The following SUGP1 variants were observed in gnomAD, a reference collection of about 807,000 sequenced individuals.
SUGP1 encodes SURP and G-patch domain containing 1.
In SUGP1, 34 loss-of-function variants were observed where a neutral mutation model predicts 76.5. The observed-to-expected ratio is 0.44, with a 90% CI of 0.34 to 0.59. The LOEUF (loss-of-function observed/expected upper bound fraction) is 0.59, where lower values mean the gene tolerates loss of function less well. SUGP1 is among the 20% of genes least tolerant of loss of function. SUGP1 has a pLI of 0.01. For synonymous variants in SUGP1, 326 were observed against 326.2 expected, an observed-to-expected ratio of 1.00 and a Z score of 0.01; for missense variants, 752 against 851.7, an observed-to-expected ratio of 0.88 and a Z score of 1.46.
intron 1 of SUGP1, among the ~76,000 whole-genome samples, chr19:19,319,446 C>T (rs1344692160): frequency 6.6e-6 from 1 of 151,332 alleles, no homozygotes; most frequent in Non-Finnish European, 1.5e-5. Flanking sequence ...AAAGGCCTTT[C>T]CCTGGGCCAG....
In SUGP1 at chr19:19,308,435, T is replaced by C. The variant is rs1186131996; in HGVS notation, c.310+1662A>G. ...AGAGGTGTCCCTCCAGAGGATTCAG[T>C]GAGAGCACAGACGTGGTCTGCTTGC... On this transcript the variant is annotated intron_variant, in intron 3 of 13. Transcript: ENST00000247001. Among the ~76,000 whole-genome samples, 4 of 152,352 alleles carry C rather than the reference T, an allele frequency of 2.6e-5. No homozygotes were observed. The East Asian group carries it at 7.7e-4, about 29-fold the overall frequency.
Position 19,312,263 on chromosome 19 carries a change from G to A in SUGP1, c.207-2063C>T, listed in dbSNP as rs537660561. ...AGAAAAACTGAAACAGAAAGGAATG[G>A]AAAAACCCAACAATGTCTCCCTACT... On this transcript the variant is annotated intron_variant, in intron 2 of 13. Coordinates refer to ENST00000247001, the MANE Select transcript of SUGP1 (RefSeq NM_172231.4). Among the ~76,000 whole-genome samples, 19 of 144,856 alleles carry A rather than the reference G, an allele frequency of 1.3e-4. No homozygotes were observed. In the South Asian group the frequency reaches 3.7e-3, roughly 28 times the overall value.
intron 8 of SUGP1, among the ~76,000 whole-genome samples, chr19:19,296,413 C>T (rs748967756): frequency 3.3e-5 from 5 of 151,866 alleles, no homozygotes; most frequent in African/African-American, 7.3e-5. Flanking sequence ...TTTGGGAGGC[C>T]GAAGCGGGAG....
intron 8 of SUGP1, among the ~76,000 whole-genome samples, chr19:19,296,171 A>T (rs1400018253): frequency 6.6e-6 from 1 of 151,954 alleles, no homozygotes; most frequent in Non-Finnish European, 1.5e-5. Context: ...TTTTTATTTT[A>T]AAAAAAGGTG....
chr19:19,296,583 C>T (rs1033337442), intron 8 of SUGP1, among the ~76,000 whole-genome samples: 1 of 151,176 alleles, frequency 6.6e-6, no homozygotes, highest in Non-Finnish European at 1.5e-5. Context: ...GGAGGCAGAG[C>T]TTATGGTGAG....
intron 1 of SUGP1, among the ~76,000 whole-genome samples, chr19:19,318,335 G>C (rs1340577160): frequency 6.6e-6 from 1 of 150,900 alleles, no homozygotes; most frequent in Non-Finnish European, 1.5e-5. Context: ...GGCCAGGCTG[G>C]TCTCGAATTC....
At chr19:19,314,507 G>A (rs1204891383) in intron 2 of SUGP1, among the ~76,000 whole-genome samples, 1 of 152,094 alleles carries the variant, frequency 6.6e-6, no homozygotes, top group African/African-American at 2.4e-5. Flanking sequence ...AAAAGAAGGA[G>A]TAGAAGTAAT....
At position 19,279,402 on chromosome 19, in the gene SUGP1, A is replaced by G. The variant is rs781200011; in HGVS notation, c.1351-12T>C. 1.3e-6 allele frequency: 2 copies of G among 1,586,552 alleles called. No homozygotes were observed. The highest frequency in any genetic ancestry group is 1.7e-6 in the Non-Finnish European group (2 of 1,169,444). On this transcript the variant is annotated splice_polypyrimidine_tract_variant and intron_variant, in intron 9 of 13. Coordinates refer to ENST00000247001, the MANE Select transcript of SUGP1 (RefSeq NM_172231.4). Reference sequence around the variant, plus strand: ...TACATCTGCTGCATCTGCAGGGCACACTCGCCAGTGAGCCAGGGCACGGTG... The same window carrying G: ...TACATCTGCTGCATCTGCAGGGCACGCTCGCCAGTGAGCCAGGGCACGGTG...
intron 8 of SUGP1, among the ~76,000 whole-genome samples, chr19:19,292,419 A>T (rs928811562): frequency 6.6e-6 from 1 of 152,102 alleles, no homozygotes; most frequent in Non-Finnish European, 1.5e-5. Context: ...AAAGAAAAAT[A>T]GGCCAGGTGT....
chr19:19,304,061 G>A (rs748239411), intron 4 of SUGP1: 7 of 1,540,110 alleles, frequency 4.5e-6, no homozygotes, highest in Non-Finnish European at 6.1e-6. Flanking sequence ...GGAGAGAAGT[G>A]TGTGAGGCTG....
At chr19:19,283,036 T>C (rs567284753) in intron 8 of SUGP1, among the ~76,000 whole-genome samples, 5 of 149,032 alleles carry the variant, frequency 3.4e-5, no homozygotes, top group South Asian at 4.2e-4. Context: ...AAGATCGTGC[T>C]ACTACACTCC....
At chr19:19,279,166 G>C in intron 10 of SUGP1, 47 bp downstream of exon 10, 1 of 1,515,446 alleles carries the variant, frequency 6.6e-7, no homozygotes, top group East Asian at 2.4e-5. Context: ...GGCAGGTGAG[G>C]GGGGCCATGC....
rs558184368 is a variant in SUGP1 at position 19,289,249 on chromosome 19, T to A, written c.1243+7740A>T. Among the ~76,000 whole-genome samples, 3 of 152,212 alleles carry A rather than the reference T, an allele frequency of 2.0e-5. No homozygotes were observed. In the East Asian group the frequency reaches 5.8e-4, roughly 29 times the overall value. On this transcript the variant is annotated intron_variant, in intron 8 of 13. Transcript: ENST00000247001. Reference sequence around the variant, plus strand: ...GTACAGTAAAAATACTGTACTATAATCTTATAACAATTTTAATAATGACCA... The same window carrying A: ...GTACAGTAAAAATACTGTACTATAAACTTATAACAATTTTAATAATGACCA...
chr19:19,296,324 G>A (rs755914851), intron 8 of SUGP1, among the ~76,000 whole-genome samples: 2 of 151,990 alleles, frequency 1.3e-5, no homozygotes, highest in Admixed American at 6.6e-5. Flanking sequence ...GGGAGGCTGA[G>A]GCGGGTGGAT....
chr19:19,306,043 C>T lies in SUGP1; in HGVS notation c.344G>A (p.Ser115Asn). Residue 115 changes from serine (S) to asparagine (N), a missense_variant, in exon 4 of 14, where the codon AGC (serine) becomes AAC (asparagine). Physicochemically the swap from Ser to Asn is conservative, Grantham distance 46. Transcript: ENST00000247001. ...APTSAPSAPPSTPTPSAGKRS... is the reference protein window; with the variant it reads ...APTSAPSAPPNTPTPSAGKRS... The stretch of plus-strand genomic sequence containing the variant: ...CTTCCCAGCGCTGGGGGTGGGTGTG[C>T]TGGGAGGGGCGCTGGGCGCACTGGT... 1 of 1,608,660 alleles carries T rather than the reference C, an allele frequency of 6.2e-7. No homozygotes were observed. The highest frequency in any genetic ancestry group is 8.5e-7 in the Non-Finnish European group (1 of 1,177,774).
intron 3 of SUGP1, among the ~76,000 whole-genome samples, chr19:19,307,854 G>A (rs562299696): frequency 1.0e-3 from 157 of 152,046 alleles, no homozygotes; most frequent in Admixed American, 2.0e-3. Flanking sequence ...TAGTAGAGAC[G>A]GGGTTTTACC....
Position 19,282,946 on chromosome 19 carries a change from A to G in SUGP1, c.1244-2655T>C, listed in dbSNP as rs189371402. Among the ~76,000 whole-genome samples, 247 of 152,100 alleles carry G rather than the reference A, an allele frequency of 1.6e-3. 1 individual carries two copies. Among genetic ancestry groups the G allele is most frequent in the East Asian group, 6.6e-3 (34 of 5,150 alleles). On this transcript the variant is annotated intron_variant, in intron 8 of 13. Coordinates refer to ENST00000247001, the MANE Select transcript of SUGP1 (RefSeq NM_172231.4). ...CAAAAAATTAGCCAGGCGTGGTGGC[A>G]GGCGCCTGTCGTCCCAGCTACTTGG... is the stretch of plus-strand genomic sequence containing the variant.
chr19:19,286,670 A>G (rs7254748), intron 8 of SUGP1, among the ~76,000 whole-genome samples: 1 of 151,856 alleles, frequency 6.6e-6, no homozygotes, highest in Non-Finnish European at 1.5e-5. Context: ...ATCACTTGAG[A>G]CCAGGAGTTT....
At chr19:19,279,115 C>G in intron 10 of SUGP1, 98 bp downstream of exon 10, 2 of 1,326,192 alleles carry the variant, frequency 1.5e-6, no homozygotes, top group Non-Finnish European at 2.0e-6. Flanking sequence ...ACCAGGATGG[C>G]AGCTCAAGAC....
Sources: allele counts gnomAD v4.1 joint callset (sites outside exome capture counted in the v4.1 genomes callset), GRCh38; gene constraint gnomAD v4.1.1; transcripts MANE v1.5; gene names NCBI Gene and HGNC (gene_info 2026-07-23, HGNC 2026-07-21).